Variants in MFSD8 observed in about 807,000 individuals in gnomAD.
MFSD8 encodes the protein major facilitator superfamily domain containing 8, also known as major facilitator superfamily domain-containing protein 8.
In MFSD8, 55 loss-of-function variants were observed where a neutral mutation model predicts 66.4. The ratio of observed to expected loss-of-function variants is 0.83; its 90% confidence interval spans 0.67 to 1.04. MFSD8 has a LOEUF of 1.04. Ranked by LOEUF, MFSD8 falls within the 50% of genes least tolerant of loss-of-function variation. The pLI is 0.00. For synonymous variants in MFSD8, 202 were observed against 212.8 expected, an observed-to-expected ratio of 0.95 and a Z score of 0.44; for missense variants, 550 against 627.6, an observed-to-expected ratio of 0.88 and a Z score of 1.32.
At chr4:127,950,645 AT>A (rs1241285353) in intron 2 of MFSD8, among the ~76,000 whole-genome samples, 3 of 152,108 alleles carry the variant, frequency 2.0e-5, no homozygotes, top group Admixed American at 6.6e-5. Context: ...GTGAGCCAAC[AT>A]CGCACCACTG....
chr4:127,949,726 C>T (rs1238315615), intron 3 of MFSD8, 78 bp downstream of exon 3: 20 of 1,199,556 alleles, frequency 1.7e-5, no homozygotes, highest in Non-Finnish European at 2.4e-5. Context: ...ACCAAAGAGA[C>T]TCTTTAGAAA....
At chr4:127,940,043 A>G in intron 5 of MFSD8, 46 bp from the exon 6 acceptor site, 7 of 1,534,612 alleles carry the variant, frequency 4.6e-6, no homozygotes, top group Non-Finnish European at 4.5e-6. Context: ...TATGAGAAGC[A>G]TAGGATAAAA....
upstream of MFSD8, chr4:127,965,253 G>A (rs1579055633): frequency 3.1e-6 from 4 of 1,294,518 alleles, no homozygotes; most frequent in Non-Finnish European, 4.4e-6. Flanking sequence ...CTGACGGTCA[G>A]ACGTAGGCGG....
At chr4:127,953,584 T>C (rs113129712) in intron 2 of MFSD8, among the ~76,000 whole-genome samples, 8,444 of 139,524 alleles carry the variant, frequency 0.061, 631 homozygotes, top group East Asian at 0.22. Context: ...GACGGAATCT[T>C]GCTCTGTGGC....
chr4:127,958,180 C>G (rs1301537407), intron 1 of MFSD8, among the ~76,000 whole-genome samples: 2 of 152,176 alleles, frequency 1.3e-5, no homozygotes, highest in Non-Finnish European at 2.9e-5. Flanking sequence ...GAGACCATGA[C>G]TCCCCAGACT....
chr4:127,930,878 G>A, intron 8 of MFSD8, 61 bp from the exon 9 acceptor site: 1 of 1,417,898 alleles, frequency 7.1e-7, no homozygotes, highest in Non-Finnish European at 9.6e-7. Context: ...TACTTAAAGT[G>A]AAGTGTAAGT....
intron 3 of MFSD8, chr4:127,945,504 T>A (rs1464824178): frequency 6.6e-6 from 1 of 152,028 alleles, no homozygotes; most frequent in African/African-American, 2.4e-5. Context: ...ATATTTTTTT[T>A]AGTAGCGACG....
At chr4:127,952,235 C>G (rs1742108101) in intron 2 of MFSD8, among the ~76,000 whole-genome samples, 4 of 151,372 alleles carry the variant, frequency 2.6e-5, no homozygotes, top group Non-Finnish European at 5.9e-5. Context: ...GAAACCCTGT[C>G]TCTACTAAAA....
At chr4:127,964,213 T>C (rs1315507778) in intron 1 of MFSD8, among the ~76,000 whole-genome samples, 1 of 152,252 alleles carries the variant, frequency 6.6e-6, no homozygotes, top group Non-Finnish European at 1.5e-5. Flanking sequence ...TGGAGCTGCC[T>C]GCCAGTCCCG....
At chr4:127,931,690 T>TA (rs1163493975) in intron 8 of MFSD8, among the ~76,000 whole-genome samples, 1 of 152,198 alleles carries the variant, frequency 6.6e-6, no homozygotes, top group Non-Finnish European at 1.5e-5. Context: ...ATTGGTATGT[T>TA]ACTGTTTAAT....
chr4:127,957,560 TA>T lies in MFSD8; in HGVS notation c.94del (p.Tyr32IlefsTer20). 6.2e-7 allele frequency: 1 copy of T among 1,612,006 alleles called. No homozygotes were observed. The highest frequency in any genetic ancestry group is 8.5e-7 in the Non-Finnish European group (1 of 1,178,428). On this transcript the variant is annotated frameshift_variant, in exon 2 of 12. Transcript: ENST00000641686. LOFTEE classifies it high-confidence loss of function. ...EWDILETEEH[Y>X]KSRWRSIRIL... ...CCTAATAGATCTCCATCGGCTCTTA[TA>T]ATGCTCTTCAGTCTCTAAAATGTCC...
At chr4:127,952,470 G>T (rs1256711979) in intron 2 of MFSD8, among the ~76,000 whole-genome samples, 2 of 152,056 alleles carry the variant, frequency 1.3e-5, no homozygotes, top group Non-Finnish European at 2.9e-5. Context: ...AATTGACATA[G>T]TTACTTTGAT....
At chr4:127,936,577 C>A (rs796876790) in intron 7 of MFSD8, among the ~76,000 whole-genome samples, 43 of 151,930 alleles carry the variant, frequency 2.8e-4, no homozygotes, top group Admixed American at 1.1e-3. Context: ...GAAAAAAAAA[C>A]CAACGTTATT....
At chr4:127,936,869 C>T (rs994768844) in intron 7 of MFSD8, among the ~76,000 whole-genome samples, 1 of 152,068 alleles carries the variant, frequency 6.6e-6, no homozygotes, top group Admixed American at 6.6e-5. Flanking sequence ...ATATCATTAT[C>T]CCCTTCCAAG....
intron 6 of MFSD8, 150 bp downstream of exon 6, chr4:127,939,703 T>C (rs1484054647): frequency 4.7e-6 from 3 of 637,090 alleles, no homozygotes; most frequent in African/African-American, 3.8e-5. Flanking sequence ...CAGTATTACA[T>C]GCTTTAGTAC....
Position 127,920,601 on chromosome 4 carries a change from AAGT to A in MFSD8, c.*26_*28del, listed in dbSNP as rs1366300372. The A allele has an allele frequency of 1.2e-6, 2 of 1,610,050 alleles. No individual in the cohort carries two copies. Among genetic ancestry groups the A allele is most frequent in the South Asian group, 2.2e-5 (2 of 91,000 alleles). ...TTTAGACCAGGAAGTGCCACACAGC[AAGT>A]AGTTTCCATCACAGTCTTAGCTAGT... On this transcript the variant is annotated 3_prime_UTR_variant, in exon 12 of 12. Transcript: ENST00000641686.
intron 9 of MFSD8, among the ~76,000 whole-genome samples, chr4:127,922,468 T>A (rs961373721): frequency 6.6e-6 from 1 of 151,682 alleles, no homozygotes; most frequent in African/African-American, 2.4e-5. Flanking sequence ...TACAAAAAAT[T>A]TTAAAAATTA....
Position 127,921,607 on chromosome 4 carries a change from C to CCA in MFSD8, c.1266_1267insTG (p.Ala423TrpfsTer4). On this transcript the variant is annotated frameshift_variant, in exon 11 of 12. Transcript: ENST00000641686. LOFTEE classifies it high-confidence loss of function. ...GGATAGCCTAATCCTATTAGCACAG[C>CCA]TGATGTAAGGAACTGGGCCAGATGA... The CCA allele has an allele frequency of 6.2e-7, 1 of 1,614,160 alleles. No individual in the cohort carries two copies.
rs1374237682 is a variant in MFSD8 at position 127,918,021 on chromosome 4, G to A, written c.*2609C>T. 2 of 152,142 alleles carry A rather than the reference G, an allele frequency of 1.3e-5. No individual in the cohort carries two copies. The highest frequency in any genetic ancestry group is 2.9e-5 in the Non-Finnish European group (2 of 68,008). 9.4% of individuals were successfully genotyped at this position (152,142 alleles called of 1,614,324 possible). A position where few individuals can be genotyped will look rare whatever the true frequency, so the allele number is the denominator to read the frequency against. On this transcript the variant is annotated 3_prime_UTR_variant, in exon 12 of 12. Coordinates refer to ENST00000641686, the MANE Select transcript of MFSD8 (RefSeq NM_001371596.2). ...TTTATGTAAGAGATAAGGTTTATAT[G>A]AACAAGAAGAGTTTATTTTTAAATG... is the stretch of plus-strand genomic sequence containing the variant.
Sources: gnomAD v4.1 joint callset for allele counts (sites outside exome capture counted in the v4.1 genomes callset) on GRCh38, gnomAD v4.1.1 for gene constraint, MANE v1.5 for transcripts, NCBI Gene and HGNC (gene_info 2026-07-23, HGNC 2026-07-21) for gene names.